The following ATG10 variants were observed in gnomAD, a reference collection of about 807,000 sequenced individuals.
ATG10 encodes ubiquitin-like-conjugating enzyme ATG10.
In ATG10, 30 loss-of-function variants were observed where a neutral mutation model predicts 32.1. The observed-to-expected ratio is 0.94, with a 90% CI of 0.70 to 1.27. The LOEUF is 1.27. Ranked by LOEUF, ATG10 falls within the 50% of genes most tolerant of loss-of-function variation. The probability of loss-of-function intolerance (pLI) is 0.00; values close to 1 mark genes in which losing one functional copy is unlikely to be tolerated. For missense variants in ATG10, 233 were observed against 262.3 expected (o/e 0.89, Z 0.77); for synonymous variants, 87 against 91.5 (o/e 0.95, Z 0.28).
intron 5 of ATG10, among the ~76,000 whole-genome samples, chr5:82,201,621 A>T (rs1745072146): frequency 1.3e-5 from 2 of 152,226 alleles, no homozygotes; most frequent in Admixed American, 1.3e-4. Context: ...TTTTTCAAGA[A>T]GGAACCTTTA....
In ATG10 at chr5:82,064,105, TTATC is replaced by T. The variant is rs769617881; in HGVS notation, c.216+5508_216+5511del. Among the ~76,000 whole-genome samples, 5 of 152,332 alleles carry T rather than the reference TTATC, an allele frequency of 3.3e-5. No homozygotes were observed. The South Asian group carries it at 8.3e-4, about 25-fold the overall frequency. On this transcript the variant is annotated intron_variant, in intron 3 of 7. Coordinates refer to ENST00000282185, the MANE Select transcript of ATG10 (RefSeq NM_031482.5). Reference sequence around the variant, plus strand: ...GCTGTAAGTGATTTTACAGACTAGATTATCTATCATGAAAAATTATTGGTAGTTT... The same window carrying T: ...GCTGTAAGTGATTTTACAGACTAGATTATCATGAAAAATTATTGGTAGTTT...
chr5:82,040,461 C>G (rs752571592), intron 2 of ATG10, among the ~76,000 whole-genome samples: 18 of 152,024 alleles, frequency 1.2e-4, no homozygotes, highest in Non-Finnish European at 2.4e-4. Flanking sequence ...GATCTTGGCA[C>G]TATAAATCAT....
At chr5:82,218,086 C>CACACACACAT (rs1315817130) in intron 5 of ATG10, among the ~76,000 whole-genome samples, 1 of 151,412 alleles carries the variant, frequency 6.6e-6, no homozygotes, top group South Asian at 2.1e-4. Flanking sequence ...CACACACACA[C>CACACACACAT]ATCACACGTA....
intron 3 of ATG10, among the ~76,000 whole-genome samples, chr5:82,139,699 C>G (rs1448724917): frequency 2.8e-5 from 4 of 143,458 alleles, no homozygotes; most frequent in African/African-American, 7.9e-5. Flanking sequence ...CCACCCCGTC[C>G]GGGAGGGAGG....
intron 3 of ATG10, among the ~76,000 whole-genome samples, chr5:82,142,446 A>G (rs1730955598): frequency 1.3e-5 from 2 of 152,184 alleles, no homozygotes; most frequent in Non-Finnish European, 2.9e-5. Context: ...GATGGCACGT[A>G]TGTAAAGGCA....
Position 81,972,042 on chromosome 5 carries a change from T to C in ATG10, c.-277T>C, listed in dbSNP as rs2149645956. 6.6e-6 allele frequency: 1 copy of C among 152,180 alleles called. No individual in the cohort carries two copies. Among genetic ancestry groups the C allele is most frequent in the African/African-American group, 2.4e-5 (1 of 41,550 alleles). The allele number at this position is 152,180 out of a possible 1,614,324, so 9.4% of individuals were successfully genotyped here. On this transcript the variant is annotated 5_prime_UTR_variant, in exon 1 of 8. Transcript: ENST00000282185. ...GAAGGCGCAGTGCGCACGCTCCGACTCGGCCGTGGCGGACCTGACTGAAGG... is the reference window on the plus strand; with the variant it reads ...GAAGGCGCAGTGCGCACGCTCCGACCCGGCCGTGGCGGACCTGACTGAAGG...
chr5:81,995,412 G>A (rs996638499), intron 2 of ATG10, among the ~76,000 whole-genome samples: 2 of 152,114 alleles, frequency 1.3e-5, no homozygotes, highest in African/African-American at 4.8e-5. Context: ...CAAAGTGTTG[G>A]GATTACAGGC....
chr5:82,066,899 T>C (rs1308556825), intron 3 of ATG10, among the ~76,000 whole-genome samples: 1 of 152,182 alleles, frequency 6.6e-6, no homozygotes, highest in Non-Finnish European at 1.5e-5. Context: ...GACTGAACTA[T>C]AGATGTATTG....
At chr5:82,191,602 A>G (rs1460239467) in intron 5 of ATG10, among the ~76,000 whole-genome samples, 1 of 152,250 alleles carries the variant, frequency 6.6e-6, no homozygotes, top group Non-Finnish European at 1.5e-5. Flanking sequence ...ACATCTAAGT[A>G]AGAGAACTGG....
In ATG10 at chr5:82,163,950, T is replaced by C. The variant is rs374734077; in HGVS notation, c.217-449T>C. Reference sequence around the variant, plus strand: ...TTATTCAAAATGGAACTGGGAATTGTTCAGCACACAATGAATCATCTTTTG... The same window carrying C: ...TTATTCAAAATGGAACTGGGAATTGCTCAGCACACAATGAATCATCTTTTG... On this transcript the variant is annotated intron_variant, in intron 3 of 7. Transcript: ENST00000282185. Among the ~76,000 whole-genome samples, 153 of 152,198 alleles carry C rather than the reference T, an allele frequency of 1.0e-3. 1 individual carries two copies. Among genetic ancestry groups the C allele is most frequent in the Non-Finnish European group, 1.6e-3 (106 of 68,018 alleles).
At chr5:82,141,692 C>A (rs140957373) in intron 3 of ATG10, among the ~76,000 whole-genome samples, 192 of 151,882 alleles carry the variant, frequency 1.3e-3, no homozygotes, top group African/African-American at 4.3e-3. Context: ...AAAATTTATA[C>A]GTAGGATTTA....
chr5:82,009,116 A>G (rs567053791), intron 2 of ATG10, among the ~76,000 whole-genome samples: 2 of 152,332 alleles, frequency 1.3e-5, no homozygotes, highest in African/African-American at 4.8e-5. Context: ...TAGTCTTACC[A>G]TTGAGGCCAA....
Position 82,100,000 on chromosome 5 carries a change from G to GTTTTTTTTTT in ATG10, c.216+41415_216+41424dup, listed in dbSNP as rs869311526. On this transcript the variant is annotated intron_variant, in intron 3 of 7. Transcript: ENST00000282185. Reference sequence around the variant, plus strand: ...CTGATTTCTTTCTTTCTTTTTCTGTGTTTTTTTTTTTTTTTTTTTTTTTTT... The same window carrying GTTTTTTTTTT: ...CTGATTTCTTTCTTTCTTTTTCTGTGTTTTTTTTTTTTTTTTTTTTTTTTTTTTTTTTTTT... Among the ~76,000 whole-genome samples the GTTTTTTTTTT allele has an allele frequency of 2.5e-4, 15 of 58,954 alleles. 3 individuals carry two copies. The highest frequency in any genetic ancestry group is 4.1e-4 in the Admixed American group (2 of 4,922). 38.7% of individuals were successfully genotyped at this position (58,954 alleles called of 152,430 possible). A position where few individuals can be genotyped will look rare whatever the true frequency, so the allele number is the denominator to read the frequency against.
At chr5:82,086,566 A>T (rs902577822) in intron 3 of ATG10, among the ~76,000 whole-genome samples, 1 of 152,116 alleles carries the variant, frequency 6.6e-6, no homozygotes. Context: ...TTTTCAGGAT[A>T]GTTGGACTTC....
chr5:82,112,470 T>A (rs1035231697), intron 3 of ATG10, among the ~76,000 whole-genome samples: 1 of 151,804 alleles, frequency 6.6e-6, no homozygotes, highest in Non-Finnish European at 1.5e-5. Context: ...CATAGAAAAA[T>A]TTATTATTTT....
chr5:82,232,393 T>C (rs1581832460), intron 5 of ATG10, among the ~76,000 whole-genome samples: 1 of 152,214 alleles, frequency 6.6e-6, no homozygotes, highest in Non-Finnish European at 1.5e-5. Flanking sequence ...AAAAACTCAA[T>C]TTTGTTCTTA....
chr5:82,139,891 G>A (rs1766997689), intron 3 of ATG10, among the ~76,000 whole-genome samples: 1 of 142,024 alleles, frequency 7.0e-6, no homozygotes. Flanking sequence ...GAGGGAGGTG[G>A]GGGGGTCAGC....
At chr5:82,160,126 G>T (rs1743254728) in intron 3 of ATG10, among the ~76,000 whole-genome samples, 1 of 152,134 alleles carries the variant, frequency 6.6e-6, no homozygotes, top group African/African-American at 2.4e-5. Flanking sequence ...CCATGGTCAA[G>T]ATACAGAATA....
intron 4 of ATG10, among the ~76,000 whole-genome samples, chr5:82,169,380 T>A (rs1743715770): frequency 6.6e-6 from 1 of 151,892 alleles, no homozygotes; most frequent in Non-Finnish European, 1.5e-5. Context: ...TATAACAATT[T>A]AAAAACAATA....
Sources: allele counts gnomAD v4.1 joint callset (sites outside exome capture counted in the v4.1 genomes callset), GRCh38; gene constraint gnomAD v4.1.1; transcripts MANE v1.5; gene names NCBI Gene and HGNC (gene_info 2026-07-23, HGNC 2026-07-21).